CNTNAP3B: variants seen among roughly 807,000 people sequenced by gnomAD.
CNTNAP3B encodes contactin-associated protein-like 3B.
A neutral mutation model predicts 108.9 loss-of-function variants in CNTNAP3B; 25 were observed. That is an observed-to-expected ratio of 0.23 (90% CI 0.17 to 0.32). The LOEUF is 0.32. CNTNAP3B is among the 10% of genes least tolerant of loss of function. The pLI is 1.00. For synonymous variants in CNTNAP3B, 103 were observed against 473.4 expected, an observed-to-expected ratio of 0.22 and a Z score of 10.16; for missense variants, 252 against 1,210.4, an observed-to-expected ratio of 0.21 and a Z score of 11.75.
rs187312006 is a variant in CNTNAP3B at position 42,124,093 on chromosome 9, C to T, written c.85+4917G>A. ...TAATTCTTAGCAATAATTTTAATTG[C>T]TGCCTAATTAAGTAGGCATGCTACT... On this transcript the variant is annotated intron_variant, in intron 1 of 23. Coordinates refer to ENST00000377561, the MANE Select transcript of CNTNAP3B (RefSeq NM_001201380.3). 3.2e-4 allele frequency among the ~76,000 whole-genome samples: 45 copies of T among 138,478 alleles called. 11 individuals are homozygous for T. Among genetic ancestry groups the T allele is most frequent in the African/African-American group, 1.2e-3 (43 of 34,842 alleles). The allele number at this position is 138,478 out of a possible 152,430, so 90.8% of individuals were successfully genotyped here.
intron 1 of CNTNAP3B, among the ~76,000 whole-genome samples, chr9:42,127,006 A>C (rs1828586463): frequency 7.2e-6 from 1 of 138,876 alleles, no homozygotes; most frequent in Admixed American, 7.2e-5. Context: ...GGAAACTTTT[A>C]GATGTCCTTA....
At chr9:42,099,262 C>T (rs531186009) in intron 2 of CNTNAP3B, among the ~76,000 whole-genome samples, 9 of 123,754 alleles carry the variant, frequency 7.3e-5, no homozygotes, top group African/African-American at 9.8e-5. Context: ...AGCATAATGG[C>T]CTCATTAGGG....
intron 1 of CNTNAP3B, among the ~76,000 whole-genome samples, chr9:42,121,295 T>C (rs1828456778): frequency 7.2e-6 from 1 of 139,412 alleles, no homozygotes; most frequent in Non-Finnish European, 1.5e-5. Context: ...TTCTTCTCTA[T>C]TCCATTCTTC....
intron 15 of CNTNAP3B, among the ~76,000 whole-genome samples, chr9:41,924,605 G>A (rs1377457388): frequency 6.8e-6 from 1 of 147,186 alleles, no homozygotes; most frequent in African/African-American, 2.6e-5. Context: ...TTGGAAAAAT[G>A]ACTCCAGAAG....
Position 42,096,062 on chromosome 9 carries a change from C to T in CNTNAP3B, c.196+8567G>A, listed in dbSNP as rs567996414. On this transcript the variant is annotated intron_variant, in intron 2 of 23. Transcript: ENST00000377561. ...CCTGCCTTTGGTACCTCAGGGTGTC[C>T]TTGGATAACTGGGGCTGTCCTCACC... Among the ~76,000 whole-genome samples the T allele has an allele frequency of 2.2e-5, 3 of 139,428 alleles. No individual in the cohort carries two copies. The South Asian group carries it at 6.9e-4, about 32-fold the overall frequency. The allele number at this position is 139,428 out of a possible 152,430, so 91.5% of individuals were successfully genotyped here.
At chr9:42,122,882 C>A (rs1828493682) in intron 1 of CNTNAP3B, among the ~76,000 whole-genome samples, 1 of 120,840 alleles carries the variant, frequency 8.3e-6, no homozygotes, top group South Asian at 2.9e-4. Context: ...AAAGCCCCCT[C>A]CCCATTCCTT....
At chr9:41,973,074 A>G (rs1051787763) in intron 9 of CNTNAP3B, among the ~76,000 whole-genome samples, 2 of 139,666 alleles carry the variant, frequency 1.4e-5, no homozygotes, top group African/African-American at 2.8e-5. Context: ...AGTGGCTGGG[A>G]CTACAGACAC....
At chr9:41,894,234 C>T in intron 23 of CNTNAP3B, 124 bp from the exon 24 acceptor site, 1 of 311,092 alleles carries the variant, frequency 3.2e-6, no homozygotes, top group Non-Finnish European at 5.8e-6. Context: ...AGCCTTGATC[C>T]TCCCAAGTAG....
At chr9:42,071,811 T>A (rs1026834792) in intron 3 of CNTNAP3B, among the ~76,000 whole-genome samples, 10 of 142,290 alleles carry the variant, frequency 7.0e-5, no homozygotes, top group African/African-American at 2.7e-4. Flanking sequence ...GATCGTGGAG[T>A]GTGAAGGAAT....
rs1828104783 is a variant in CNTNAP3B, at chr9:42,107,476, T to G, written c.86-2737A>C. 1.6e-5 allele frequency among the ~76,000 whole-genome samples: 2 copies of G among 121,966 alleles called. 1 individual carries two copies. The highest frequency in any genetic ancestry group is 3.4e-5 in the Non-Finnish European group (2 of 59,700). The allele number at this position is 121,966 out of a possible 152,430, so 80.0% of individuals were successfully genotyped here. Reference sequence around the variant, plus strand: ...CCCTTGGTTTCTCCCTAATTAACTTTCCAATTGTGTGTTTCACGAGTTTCA... The same window carrying G: ...CCCTTGGTTTCTCCCTAATTAACTTGCCAATTGTGTGTTTCACGAGTTTCA... On this transcript the variant is annotated intron_variant, in intron 1 of 23. Coordinates refer to ENST00000377561, the MANE Select transcript of CNTNAP3B (RefSeq NM_001201380.3).
At chr9:41,923,437 G>A (rs1823722007) in intron 16 of CNTNAP3B, among the ~76,000 whole-genome samples, 1 of 151,910 alleles carries the variant, frequency 6.6e-6, no homozygotes, top group African/African-American at 2.4e-5. Flanking sequence ...ATTATTACGT[G>A]CTTCATGCTT....
At chr9:41,954,904 T>C (rs1824808708) in intron 12 of CNTNAP3B, among the ~76,000 whole-genome samples, 1 of 152,122 alleles carries the variant, frequency 6.6e-6, no homozygotes, top group South Asian at 2.1e-4. Context: ...CAGGCTGGTC[T>C]TGAACTCCCA....
chr9:42,096,333 G>T (rs1280378478), intron 2 of CNTNAP3B, among the ~76,000 whole-genome samples: 1 of 140,314 alleles, frequency 7.1e-6, no homozygotes. Flanking sequence ...CAGTCCTGCT[G>T]AGGGTTCCTA....
At chr9:41,921,165 G>T (rs1425466398) in intron 17 of CNTNAP3B, among the ~76,000 whole-genome samples, 2 of 152,308 alleles carry the variant, frequency 1.3e-5, no homozygotes, top group East Asian at 3.8e-4. Context: ...TGAAGCCAGT[G>T]CTTCATCCAC....
chr9:41,941,741 T>C, intron 13 of CNTNAP3B, among the ~76,000 whole-genome samples: 1 of 147,120 alleles, frequency 6.8e-6, no homozygotes, highest in East Asian at 2.0e-4. Context: ...TGGTGGAGTC[T>C]GGTAAAAGCA....
At chr9:42,124,897 T>A (rs1226198911) in intron 1 of CNTNAP3B, among the ~76,000 whole-genome samples, 1 of 139,052 alleles carries the variant, frequency 7.2e-6, no homozygotes, top group Non-Finnish European at 1.5e-5. Context: ...ATTTTTAATC[T>A]ACATCTCTTA....
chr9:41,967,711 G>A (rs1424063763), intron 10 of CNTNAP3B, among the ~76,000 whole-genome samples: 1 of 152,262 alleles, frequency 6.6e-6, no homozygotes, highest in African/African-American at 2.4e-5. Flanking sequence ...TGTCCCCAAA[G>A]TTTTCTAATT....
intron 9 of CNTNAP3B, among the ~76,000 whole-genome samples, chr9:41,982,182 A>G (rs1825642496): frequency 1.3e-5 from 1 of 76,932 alleles, no homozygotes; most frequent in African/African-American, 6.1e-5. Flanking sequence ...TGACAAAGAC[A>G]CCGAAAGCAA....
chr9:41,919,146 T>G (rs978830734), intron 18 of CNTNAP3B, among the ~76,000 whole-genome samples: 1 of 152,142 alleles, frequency 6.6e-6, no homozygotes, highest in African/African-American at 2.4e-5. Context: ...TCTTTTTTTT[T>G]TTCCCCAAGA....
Sources: gnomAD v4.1 joint callset for allele counts (sites outside exome capture counted in the v4.1 genomes callset) on GRCh38, gnomAD v4.1.1 for gene constraint, MANE v1.5 for transcripts, NCBI Gene and HGNC (gene_info 2026-07-23, HGNC 2026-07-21) for gene names.